The following KREMEN1 variants were observed in gnomAD, a reference collection of about 807,000 sequenced individuals.
KREMEN1 encodes kremen protein 1.
KREMEN1 carries 30 observed loss-of-function variants against 46.5 expected under a neutral mutation model. That is an observed-to-expected ratio of 0.65 (90% CI 0.48 to 0.88). The LOEUF (loss-of-function observed/expected upper bound fraction) is 0.88, where lower values mean the gene tolerates loss of function less well. Ranked by LOEUF, KREMEN1 falls within the 40% of genes least tolerant of loss-of-function variation. The probability of loss-of-function intolerance (pLI) is 0.00; values close to 1 mark genes in which losing one functional copy is unlikely to be tolerated. For missense variants in KREMEN1, 533 were observed against 596.9 expected, an observed-to-expected ratio of 0.89 and a Z score of 1.11; for synonymous variants, 214 against 230.6, an observed-to-expected ratio of 0.93 and a Z score of 0.65.
chr22:29,085,160 A>T (rs2037710233), intron 1 of KREMEN1, among the ~76,000 whole-genome samples: 1 of 152,246 alleles, frequency 6.6e-6, no homozygotes, highest in Admixed American at 6.5e-5. Flanking sequence ...GCTAAGGTAG[A>T]TTAATTTCAA....
At chr22:29,098,332 A>G (rs190819197) in intron 2 of KREMEN1, among the ~76,000 whole-genome samples, 16 of 152,314 alleles carry the variant, frequency 1.1e-4, no homozygotes, top group Non-Finnish European at 2.4e-4. Context: ...CCTGTTTTTT[A>G]TATTATAAAA....
intron 9 of KREMEN1, among the ~76,000 whole-genome samples, chr22:29,154,020 T>C (rs554144028): frequency 6.7e-6 from 1 of 148,976 alleles, no homozygotes; most frequent in African/African-American, 2.5e-5. Context: ...TCTCATAGGG[T>C]TGTTGTGAAG....
At chr22:29,111,271 C>T (rs1463277471) in intron 3 of KREMEN1, among the ~76,000 whole-genome samples, 1 of 149,886 alleles carries the variant, frequency 6.7e-6, no homozygotes, top group African/African-American at 2.5e-5. Context: ...TGTATCACTG[C>T]ACTCCAGCCT....
At chr22:29,161,365 G>T (rs112956547) in intron 9 of KREMEN1, among the ~76,000 whole-genome samples, 1 of 151,980 alleles carries the variant, frequency 6.6e-6, no homozygotes, top group Admixed American at 6.6e-5. Context: ...AAATTAGCCA[G>T]GCGTGGTGGC....
At position 29,098,963 on chromosome 22, in the gene KREMEN1, T is replaced by TA. The variant is rs1361481763; in HGVS notation, c.352+12dup. 1 of 1,586,218 alleles carries TA rather than the reference T, an allele frequency of 6.3e-7. No homozygotes were observed. The stretch of plus-strand genomic sequence containing the variant: ...ATACCTGCTTGCCAGAGTAAGACTG[T>TA]AATACCCAATGTGATGGTTTACAGG... On this transcript the variant is annotated intron_variant, in intron 3 of 8. Transcript: ENST00000400335.
intron 5 of KREMEN1, among the ~76,000 whole-genome samples, chr22:29,135,099 G>C (rs1035347992): frequency 6.6e-6 from 1 of 152,162 alleles, no homozygotes; most frequent in Non-Finnish European, 1.5e-5. Context: ...TGCGTCTGTG[G>C]TGGATCTTGG....
At position 29,098,893 on chromosome 22, in the gene KREMEN1, T is replaced by C; in HGVS notation, c.292T>C (p.Tyr98His). The change falls in exon 3 of 9, where the codon TAT becomes CAT. Residue 98 changes from tyrosine to histidine, a missense_variant. By Grantham distance (83) the Tyr-to-His change is moderately conservative. Transcript: ENST00000400335. ...NPDGDVSPWCYVAEHEDGVYW... is the reference protein window; with the variant it reads ...NPDGDVSPWCHVAEHEDGVYW... ...AGATGGAGACGTGAGCCCCTGGTGC[T>C]ATGTGGCAGAGCACGAGGATGGTGT... is the stretch of plus-strand genomic sequence containing the variant. The C allele has an allele frequency of 1.2e-6, 2 of 1,614,172 alleles. No individual in the cohort carries two copies. Among genetic ancestry groups the C allele is most frequent in the Non-Finnish European group, 1.7e-6 (2 of 1,180,006 alleles).
chr22:29,086,710 G>A (rs1287272880), intron 1 of KREMEN1, among the ~76,000 whole-genome samples: 1 of 152,118 alleles, frequency 6.6e-6, no homozygotes. Flanking sequence ...CCAACAGGGC[G>A]ATAGGTGTGC....
chr22:29,091,451 A>G (rs917009926), intron 1 of KREMEN1, among the ~76,000 whole-genome samples: 1 of 152,144 alleles, frequency 6.6e-6, no homozygotes, highest in Non-Finnish European at 1.5e-5. Flanking sequence ...TTTAAAAAAA[A>G]TTTTATTTTT....
intron 3 of KREMEN1, among the ~76,000 whole-genome samples, chr22:29,108,110 A>G (rs962269261): frequency 8.5e-5 from 13 of 152,190 alleles, no homozygotes; most frequent in Non-Finnish European, 8.8e-5. Flanking sequence ...ATGTGGTGAA[A>G]CCCTGTCTCT....
chr22:29,088,331 G>GCA lies in KREMEN1; in HGVS notation c.98-5920_98-5919dup, dbSNP rs1569313697. 1.7e-4 allele frequency among the ~76,000 whole-genome samples: 19 copies of GCA among 109,020 alleles called. 1 individual carries two copies. The East Asian group carries it at 2.5e-3, about 15-fold the overall frequency. The allele number at this position is 109,020 out of a possible 152,430, so 71.5% of individuals were successfully genotyped here. A position where few individuals can be genotyped will look rare whatever the true frequency, so the allele number is the denominator to read the frequency against. On this transcript the variant is annotated intron_variant, in intron 1 of 8. Coordinates refer to ENST00000400335, the MANE Select transcript of KREMEN1 (RefSeq NM_001039570.3). Reference sequence around the variant, plus strand: ...TACACACACACACACACACACACACGCACACACATATTTTGAGATGGGGTT... The same window carrying GCA: ...TACACACACACACACACACACACACGCACACACACATATTTTGAGATGGGGTT...
In KREMEN1 at chr22:29,143,827, G is replaced by A. The variant is rs923482562; in HGVS notation, c.*1715G>A. 107 of 985,432 alleles carry A rather than the reference G, an allele frequency of 1.1e-4. No homozygotes were observed. The highest frequency in any genetic ancestry group is 1.3e-4 in the Non-Finnish European group (106 of 830,074). The allele number at this position is 985,432 out of a possible 1,614,324, so 61.0% of individuals were successfully genotyped here. ...GTGGGGTTAGGAATGGCTCAGTGGG[G>A]AAGGAGAGCACTCTTGTCCCCAGTC... On this transcript the variant is annotated 3_prime_UTR_variant, in exon 9 of 9. Transcript: ENST00000400335.
intron 1 of KREMEN1, among the ~76,000 whole-genome samples, chr22:29,086,818 G>A (rs1328148626): frequency 1.3e-5 from 2 of 152,132 alleles, no homozygotes; most frequent in South Asian, 2.1e-4. Flanking sequence ...GAGTGCAGTG[G>A]CATGACCATG....
rs539785403 is a variant in KREMEN1, at chr22:29,077,329, C to T, written c.97+4102C>T. On this transcript the variant is annotated intron_variant, in intron 1 of 8. Transcript: ENST00000400335. ...GTGTTTCAGTAAGGCTTTATGGACA[C>T]TGAAATTTGAATTTCCTATTTTTAT... Among the ~76,000 whole-genome samples, 566 of 152,278 alleles carry T rather than the reference C, an allele frequency of 3.7e-3. 1 individual carries two copies. The highest frequency in any genetic ancestry group is 0.017 in the Middle Eastern group (5 of 294).
rs996643730 is a variant in KREMEN1, at chr22:29,073,392, G to T, written c.97+165G>T. Among the ~76,000 whole-genome samples the T allele has an allele frequency of 3.3e-5, 5 of 151,698 alleles. No individual in the cohort carries two copies. Among genetic ancestry groups the T allele is most frequent in the African/African-American group, 1.2e-4 (5 of 41,328 alleles). On this transcript the variant is annotated intron_variant, in intron 1 of 8. Coordinates refer to ENST00000400335, the MANE Select transcript of KREMEN1 (RefSeq NM_001039570.3). This position sits in a 1 kb window ranked among gnomAD's most constrained non-coding sequence, Gnocchi z 4.4. ...TCAGGCCGGGATGGTCCCTTCCTGGGACCCGGGCTACCCCCAGGCCCGTCA... is the reference window on the plus strand; with the variant it reads ...TCAGGCCGGGATGGTCCCTTCCTGGTACCCGGGCTACCCCCAGGCCCGTCA...
At chr22:29,154,586 T>G (rs1025343430) in intron 9 of KREMEN1, 2 of 152,350 alleles carry the variant, frequency 1.3e-5, no homozygotes, top group African/African-American at 4.8e-5. Flanking sequence ...TCGCCTTTCC[T>G]GCAGGAGCCG....
rs191556415 is a variant in KREMEN1 at position 29,136,070 on chromosome 22, C to T, written c.632-1272C>T. ...CCTAGTAGCTGGGACTATAGTCACA[C>T]GCCACCACGCCCAGCTAATTTTTGT... On this transcript the variant is annotated intron_variant, in intron 5 of 8. Coordinates refer to ENST00000400335, the MANE Select transcript of KREMEN1 (RefSeq NM_001039570.3). Among the ~76,000 whole-genome samples the T allele has an allele frequency of 3.4e-4, 51 of 152,104 alleles. 1 individual carries two copies. Among genetic ancestry groups the T allele is most frequent in the East Asian group, 2.4e-3 (12 of 5,092 alleles).
intron 1 of KREMEN1, among the ~76,000 whole-genome samples, chr22:29,084,335 G>A (rs1490577349): frequency 6.6e-6 from 1 of 150,808 alleles, no homozygotes; most frequent in Non-Finnish European, 1.5e-5. Flanking sequence ...AAACTGGGAT[G>A]TATCCCAGCA....
At chr22:29,098,396 G>T (rs2037916783) in intron 2 of KREMEN1, among the ~76,000 whole-genome samples, 1 of 152,142 alleles carries the variant, frequency 6.6e-6, no homozygotes, top group African/African-American at 2.4e-5. Context: ...AATTCCTAAA[G>T]AGGAAATTGC....
Sources: allele counts gnomAD v4.1 joint callset (sites outside exome capture counted in the v4.1 genomes callset), GRCh38; gene constraint gnomAD v4.1.1; non-coding constraint Gnocchi (gnomAD v3.1); transcripts MANE v1.5; gene names NCBI Gene and HGNC (gene_info 2026-07-23, HGNC 2026-07-21).